The following GK5 variants were observed in gnomAD, a reference collection of about 807,000 sequenced individuals.
GK5 encodes glycerol kinase 5, also known as ATP:glycerol 3-phosphotransferase 5.
In GK5, 39 loss-of-function variants were observed where a neutral mutation model predicts 77.3. The observed-to-expected ratio is 0.50, with a 90% CI of 0.39 to 0.66. GK5 has a LOEUF of 0.66. Among genes scored for constraint, GK5 ranks in the 30% least tolerant of loss-of-function variants. The pLI, the probability that GK5 is intolerant of heterozygous loss-of-function variation, is 0.00. For synonymous variants in GK5, 211 were observed against 208.0 expected (o/e 1.01, Z -0.13); for missense variants, 487 against 633.8 (o/e 0.77, Z 2.49).
Position 142,162,639 on chromosome 3 carries a change from G to A in GK5, c.*2983C>T, listed in dbSNP as rs1429294568. On this transcript the variant is annotated 3_prime_UTR_variant, in exon 16 of 16. Coordinates refer to ENST00000392993, the MANE Select transcript of GK5 (RefSeq NM_001039547.3). ...CTATAATGGGAAAATAAAACATGCT[G>A]AGAAGTAGCACAAATTTTTCTAAAC... The A allele has an allele frequency of 1.3e-5, 2 of 152,130 alleles. No individual in the cohort carries two copies. The highest frequency in any genetic ancestry group is 2.9e-5 in the Non-Finnish European group (2 of 68,026). 9.4% of individuals were successfully genotyped at this position (152,130 alleles called of 1,614,324 possible). A position where few individuals can be genotyped will look rare whatever the true frequency, so the allele number is the denominator to read the frequency against.
intron 15 of GK5, among the ~76,000 whole-genome samples, chr3:142,169,449 G>A (rs1030551788): frequency 2.0e-5 from 3 of 152,156 alleles, no homozygotes; most frequent in Non-Finnish European, 2.9e-5. Flanking sequence ...TCCTGAGAAT[G>A]TTATTAGGTT....
intron 5 of GK5, among the ~76,000 whole-genome samples, chr3:142,195,473 A>G (rs963298031): frequency 2.0e-5 from 3 of 151,990 alleles, no homozygotes; most frequent in Non-Finnish European, 4.4e-5. Flanking sequence ...TCTCCCAAGT[A>G]GCTGGGACTA....
chr3:142,186,920 C>T (rs887130634), intron 6 of GK5, among the ~76,000 whole-genome samples: 2 of 152,040 alleles, frequency 1.3e-5, no homozygotes, highest in Non-Finnish European at 2.9e-5. Flanking sequence ...CGTAAACCAC[C>T]GCACCTGGCC....
chr3:142,194,118 G>A (rs2063896276), intron 5 of GK5, among the ~76,000 whole-genome samples: 1 of 152,120 alleles, frequency 6.6e-6, no homozygotes, highest in South Asian at 2.1e-4. Flanking sequence ...TGTGCGGCGG[G>A]TCACACCTGT....
Position 142,204,805 on chromosome 3 carries a change from A to G in GK5, c.318-17T>C, listed in dbSNP as rs2064080654. The G allele has an allele frequency of 1.5e-6, 2 of 1,338,758 alleles. No individual in the cohort carries two copies. The highest frequency in any genetic ancestry group is 2.3e-5 in the East Asian group (1 of 43,534). The allele number at this position is 1,338,758 out of a possible 1,614,324, so 82.9% of individuals were successfully genotyped here. A position where few individuals can be genotyped will look rare whatever the true frequency, so the allele number is the denominator to read the frequency against. ...CCTGTTTTCCTAGAAAGAATAAAAC[A>G]GTATTTTGAGACCCAGCATAAATCA... On this transcript the variant is annotated splice_polypyrimidine_tract_variant and intron_variant, in intron 3 of 15. Coordinates refer to ENST00000392993, the MANE Select transcript of GK5 (RefSeq NM_001039547.3).
chr3:142,213,565 C>T lies in GK5; in HGVS notation c.278G>A (p.Gly93Asp). 6.2e-7 allele frequency: 1 copy of T among 1,612,498 alleles called. No homozygotes were observed. Among genetic ancestry groups the T allele is most frequent in the Non-Finnish European group, 8.5e-7 (1 of 1,178,620 alleles). Reference sequence around the variant, plus strand: ...AAAAGTTGCTCTCTGTGTTGAAATGCCAAGACCAACAATTTGATTCATCTG... The same window carrying T: ...AAAAGTTGCTCTCTGTGTTGAAATGTCAAGACCAACAATTTGATTCATCTG... ...GIQMNQIVGL[G>D]ISTQRATFIT... The change falls in exon 3 of 16, where the codon GGC becomes GAC. Residue 93 changes from glycine to aspartate, a missense_variant. Gly to Asp is a moderately conservative substitution (Grantham distance 94). Coordinates refer to ENST00000392993, the MANE Select transcript of GK5 (RefSeq NM_001039547.3).
intron 3 of GK5, among the ~76,000 whole-genome samples, chr3:142,210,122 C>T (rs1357692134): frequency 2.0e-5 from 3 of 152,100 alleles, no homozygotes; most frequent in Non-Finnish European, 4.4e-5. Flanking sequence ...TCGTAAGTTT[C>T]CTGGTCCCTA....
intron 15 of GK5, among the ~76,000 whole-genome samples, chr3:142,167,299 A>G (rs1408247430): frequency 6.6e-6 from 1 of 152,070 alleles, no homozygotes; most frequent in Admixed American, 6.6e-5. Context: ...ACTTGAGCCC[A>G]GGAGGCGGAG....
chr3:142,219,196 G>A (rs2064311544), intron 1 of GK5, among the ~76,000 whole-genome samples: 1 of 152,080 alleles, frequency 6.6e-6, no homozygotes, highest in Non-Finnish European at 1.5e-5. Flanking sequence ...CCCACTCCTA[G>A]GTATTTACCC....
intron 14 of GK5, 88 bp downstream of exon 14, chr3:142,171,331 A>G: frequency 8.4e-7 from 1 of 1,186,998 alleles, no homozygotes; most frequent in Non-Finnish European, 1.1e-6. Flanking sequence ...ATTATTCAGG[A>G]TCTAAAAAAG....
At position 142,204,014 on chromosome 3, in the gene GK5, C is replaced by T. The variant is rs117489411; in HGVS notation, c.411+681G>A. ...TTACTGATGCCTACTATGTATCAGG[C>T]ATAATTTGGTATTGTTGGCTTTGAG... On this transcript the variant is annotated intron_variant, in intron 4 of 15. Transcript: ENST00000392993. Among the ~76,000 whole-genome samples the T allele has an allele frequency of 6.8e-4, 103 of 152,184 alleles. No homozygotes were observed. In the South Asian group the frequency reaches 0.012, roughly 18 times the overall value.
At chr3:142,215,732 T>A in intron 1 of GK5, 40 bp from the exon 2 acceptor site, 1 of 982,514 alleles carries the variant, frequency 1.0e-6, no homozygotes, top group Non-Finnish European at 1.6e-6. Context: ...CAGCATTAGA[T>A]CAAGTCAATA....
chr3:142,224,283 T>TG (rs930295193), intron 1 of GK5, among the ~76,000 whole-genome samples: 2 of 152,148 alleles, frequency 1.3e-5, no homozygotes, highest in African/African-American at 4.8e-5. Context: ...GGTGGCCCCT[T>TG]GCCTGTAGTC....
At chr3:142,198,008 TGA>T (rs975661065) in intron 5 of GK5, among the ~76,000 whole-genome samples, 19 of 146,818 alleles carry the variant, frequency 1.3e-4, no homozygotes, top group East Asian at 6.0e-4. Context: ...GGTGACAGGG[TGA>T]GACTCTGTCT....
At chr3:142,225,010 A>G (rs1447584271) in intron 1 of GK5, among the ~76,000 whole-genome samples, 1 of 152,180 alleles carries the variant, frequency 6.6e-6, no homozygotes, top group African/African-American at 2.4e-5. Context: ...CCATCCAGGT[A>G]AGGCCGGACA....
chr3:142,194,974 C>T lies in GK5; in HGVS notation c.543+3828G>A, dbSNP rs2063912307. On this transcript the variant is annotated intron_variant, in intron 5 of 15. Transcript: ENST00000392993. ...TTCCCGAACTTAGGAGAAAAACATTCAGTTTTCAACTATTAAGTATGGTGT... is the reference window on the plus strand; with the variant it reads ...TTCCCGAACTTAGGAGAAAAACATTTAGTTTTCAACTATTAAGTATGGTGT... Among the ~76,000 whole-genome samples the T allele has an allele frequency of 2.6e-5, 4 of 151,764 alleles. No individual in the cohort carries two copies. In the South Asian group the frequency reaches 8.4e-4, roughly 32 times the overall value.
chr3:142,185,650 A>G, intron 9 of GK5: 1 of 1,214,238 alleles, frequency 8.2e-7, no homozygotes, highest in Non-Finnish European at 1.0e-6. Context: ...ATTAAAAAAA[A>G]TTTTTTTTAA....
chr3:142,194,240 C>T (rs2063898017), intron 5 of GK5, among the ~76,000 whole-genome samples: 1 of 151,884 alleles, frequency 6.6e-6, no homozygotes, highest in South Asian at 2.1e-4. Context: ...TAAAAATTAA[C>T]TGGGGCCAGG....
At position 142,172,417 on chromosome 3, in the gene GK5, C is replaced by T. The variant is rs1315447395; in HGVS notation, c.1183G>A (p.Gly395Ser). Residue 395 changes from glycine (G) to serine (S), a missense_variant, in exon 13 of 16, where the codon GGT becomes AGT. Around this residue, in one of 4 missense-constraint regions of GK5, gnomAD observed 323 missense variants for 437.4 expected, o/e 0.74. Coordinates refer to ENST00000392993, the MANE Select transcript of GK5 (RefSeq NM_001039547.3). ...TATTTACTGGTAGAAGGCTTCAAACCCATAAAAGAGGCACATGCCCAGGGG... is the reference window on the plus strand; with the variant it reads ...TATTTACTGGTAGAAGGCTTCAAACTCATAAAAGAGGCACATGCCCAGGGG... ...NDPWACASFMGLKPSTSKYHL... is the reference protein window; with the variant it reads ...NDPWACASFMSLKPSTSKYHL... 2 of 1,604,586 alleles carry T rather than the reference C, an allele frequency of 1.2e-6. No homozygotes were observed. The highest frequency in any genetic ancestry group is 2.7e-5 in the African/African-American group (2 of 74,738).
Sources: gnomAD v4.1 joint callset for allele counts (sites outside exome capture counted in the v4.1 genomes callset) on GRCh38, gnomAD v4.1.1 for gene constraint, gnomAD v4.1.1 regional missense constraint, MANE v1.5 for transcripts, NCBI Gene and HGNC (gene_info 2026-07-23, HGNC 2026-07-21) for gene names.